The following CPNE4 variants were observed in gnomAD, a reference collection of about 807,000 sequenced individuals.
CPNE4 encodes copine 4.
A neutral mutation model predicts 67.9 loss-of-function variants in CPNE4; 25 were observed. The observed-to-expected ratio is 0.37, with a 90% CI of 0.27 to 0.51. CPNE4 has a LOEUF of 0.51. Ranked by LOEUF, CPNE4 falls within the 20% of genes least tolerant of loss-of-function variation. CPNE4 has a pLI of 0.93. For synonymous variants in CPNE4, 242 were observed against 244.9 expected, an observed-to-expected ratio of 0.99 and a Z score of 0.11; for missense variants, 464 against 690.8, an observed-to-expected ratio of 0.67 and a Z score of 3.68.
chr3:131,727,674 G>GAA (rs1306558502), intron 2 of CPNE4, among the ~76,000 whole-genome samples: 2 of 152,000 alleles, frequency 1.3e-5, no homozygotes. Flanking sequence ...ATATACTTGT[G>GAA]AAAACATCAC....
At chr3:131,837,036 A>G (rs1325390293) in intron 2 of CPNE4, among the ~76,000 whole-genome samples, 1 of 152,182 alleles carries the variant, frequency 6.6e-6, no homozygotes, top group Admixed American at 6.6e-5. Context: ...ACTACTACAC[A>G]TCTATTAGCA....
At chr3:131,814,202 T>C (rs972605261) in intron 2 of CPNE4, among the ~76,000 whole-genome samples, 3 of 152,156 alleles carry the variant, frequency 2.0e-5, no homozygotes, top group African/African-American at 7.2e-5. Context: ...TCTCAGAGGC[T>C]TAAAATGACA....
intron 1 of CPNE4, among the ~76,000 whole-genome samples, chr3:131,953,159 A>T (rs867591891): frequency 1.8e-4 from 27 of 149,782 alleles, no homozygotes; most frequent in African/African-American, 4.7e-4. Context: ...CTCACTTGTT[A>T]ATCTGCTGAC....
chr3:131,860,823 G>C (rs941308656), intron 2 of CPNE4, among the ~76,000 whole-genome samples: 1 of 152,204 alleles, frequency 6.6e-6, no homozygotes, highest in Non-Finnish European at 1.5e-5. Flanking sequence ...GTACACAGAA[G>C]ATACTCACAA....
Position 131,876,299 on chromosome 3 carries a change from T to G in CPNE4, c.180+28965A>C, listed in dbSNP as rs187446965. Among the ~76,000 whole-genome samples the G allele has an allele frequency of 1.1e-3, 170 of 151,016 alleles. 1 individual carries two copies. The highest frequency in any genetic ancestry group is 3.9e-3 in the African/African-American group (162 of 41,208). On this transcript the variant is annotated intron_variant, in intron 2 of 15. Coordinates refer to ENST00000429747, the MANE Select transcript of CPNE4 (RefSeq NM_130808.3). The stretch of plus-strand genomic sequence containing the variant: ...ATAAATAAATACGAATACAACCAAA[T>G]GAAAGGCATGCTCTTTATTTTTTGT...
chr3:131,817,162 C>T (rs547969137), intron 2 of CPNE4, among the ~76,000 whole-genome samples: 1 of 151,980 alleles, frequency 6.6e-6, no homozygotes, highest in African/African-American at 2.4e-5. Flanking sequence ...AGGTCACAAG[C>T]ACTATGGAAA....
intron 2 of CPNE4, among the ~76,000 whole-genome samples, chr3:131,750,381 T>A (rs1335584014): frequency 6.6e-6 from 1 of 152,166 alleles, no homozygotes; most frequent in African/African-American, 2.4e-5. Flanking sequence ...TTTTCTGTTT[T>A]ATTTTTCCTG....
intron 2 of CPNE4, among the ~76,000 whole-genome samples, chr3:131,764,260 G>A (rs1476978753): frequency 7.2e-6 from 1 of 138,010 alleles, no homozygotes; most frequent in Non-Finnish European, 1.6e-5. Flanking sequence ...GATGAACAGT[G>A]TGACCCTGTT....
intron 7 of CPNE4, among the ~76,000 whole-genome samples, chr3:131,643,862 T>G (rs1481186675): frequency 6.6e-6 from 1 of 152,278 alleles, no homozygotes; most frequent in African/African-American, 2.4e-5. Flanking sequence ...GAAGAAGGAC[T>G]TATTTGCCTC....
chr3:131,771,811 A>T (rs1202042451), intron 2 of CPNE4, among the ~76,000 whole-genome samples: 1 of 152,158 alleles, frequency 6.6e-6, no homozygotes, highest in Non-Finnish European at 1.5e-5. Context: ...GATTAGGTTG[A>T]TACTATCTGA....
intron 5 of CPNE4, among the ~76,000 whole-genome samples, chr3:131,693,467 G>T (rs2081077623): frequency 6.6e-6 from 1 of 152,032 alleles, no homozygotes; most frequent in South Asian, 2.1e-4. Context: ...TGGTGAGAAT[G>T]GTATTAGTTT....
chr3:131,618,928 T>C (rs1047068145), intron 7 of CPNE4, among the ~76,000 whole-genome samples: 2 of 152,116 alleles, frequency 1.3e-5, no homozygotes, highest in African/African-American at 2.4e-5. Flanking sequence ...TCTAGGGATA[T>C]TGTGGAAGGT....
intron 1 of CPNE4, among the ~76,000 whole-genome samples, chr3:131,908,384 T>C (rs926930736): frequency 1.3e-5 from 2 of 152,178 alleles, no homozygotes; most frequent in Non-Finnish European, 2.9e-5. Flanking sequence ...GGTGGAAAGA[T>C]GGCTTTGTGT....
intron 1 of CPNE4, among the ~76,000 whole-genome samples, chr3:131,985,243 C>T (rs1399042518): frequency 2.6e-5 from 4 of 152,164 alleles, no homozygotes; most frequent in Admixed American, 6.5e-5. Flanking sequence ...AAAGTTCCTA[C>T]CTTCTAATAC....
chr3:131,907,752 T>A (rs2088829404), intron 1 of CPNE4, among the ~76,000 whole-genome samples: 1 of 152,132 alleles, frequency 6.6e-6, no homozygotes, highest in Non-Finnish European at 1.5e-5. Context: ...GCCTAAAATA[T>A]TTATTATGTG....
chr3:131,958,698 C>T (rs1458423657), intron 1 of CPNE4, among the ~76,000 whole-genome samples: 1 of 140,648 alleles, frequency 7.1e-6, no homozygotes, highest in Non-Finnish European at 1.5e-5. Flanking sequence ...GATCTTGGCT[C>T]ACTGCAACCT....
At chr3:131,809,885 T>C (rs1340366627) in intron 2 of CPNE4, among the ~76,000 whole-genome samples, 1 of 151,996 alleles carries the variant, frequency 6.6e-6, no homozygotes, top group African/African-American at 2.4e-5. Flanking sequence ...GACTTTATCC[T>C]TGCAATAGAC....
At chr3:131,620,500 G>C in intron 7 of CPNE4, 2 of 983,418 alleles carry the variant, frequency 2.0e-6, no homozygotes, top group Non-Finnish European at 2.4e-6. Context: ...CACGGCTGAT[G>C]GTAGGCAGAA....
At chr3:131,826,453 C>G (rs1030398802) in intron 2 of CPNE4, among the ~76,000 whole-genome samples, 6 of 152,180 alleles carry the variant, frequency 3.9e-5, no homozygotes, top group African/African-American at 1.4e-4. Flanking sequence ...CTGCCTCAGC[C>G]TGTCAAAATG....
Sources: allele counts gnomAD v4.1 joint callset (sites outside exome capture counted in the v4.1 genomes callset), GRCh38; gene constraint gnomAD v4.1.1; transcripts MANE v1.5; gene names NCBI Gene and HGNC (gene_info 2026-07-23, HGNC 2026-07-21).